The following SAXO1 variants were observed in gnomAD, a reference collection of about 807,000 sequenced individuals.
SAXO1 encodes the protein stabilizer of axonemal microtubules 1, also known as 4930500O09Rik.
In SAXO1, 21 loss-of-function variants were observed where a neutral mutation model predicts 17.5. That is an observed-to-expected ratio of 1.20 (90% CI 0.85 to 1.72). SAXO1 has a LOEUF of 1.72. Among genes scored for constraint, SAXO1 ranks in the 40% most tolerant of loss-of-function variants. SAXO1 has a pLI of 0.00. For missense variants in SAXO1, 843 were observed against 596.0 expected (o/e 1.41, Z -4.32); for synonymous variants, 274 against 216.5 (o/e 1.27, Z -2.33).
At chr9:18,975,145 T>C (rs905852339) in intron 1 of SAXO1, among the ~76,000 whole-genome samples, 2 of 152,044 alleles carry the variant, frequency 1.3e-5, no homozygotes, top group Non-Finnish European at 2.9e-5. Flanking sequence ...CCAGGGGAAG[T>C]TGGGCAGATG....
intron 1 of SAXO1, among the ~76,000 whole-genome samples, chr9:19,025,910 T>C (rs947785320): frequency 3.3e-5 from 5 of 152,118 alleles, no homozygotes; most frequent in African/African-American, 7.2e-5. Flanking sequence ...TACTATTTTC[T>C]CAGTTGGACC....
intron 1 of SAXO1, among the ~76,000 whole-genome samples, chr9:18,995,304 A>G (rs150940540): frequency 3.2e-4 from 48 of 152,318 alleles, no homozygotes; most frequent in African/African-American, 1.1e-3. Context: ...CTCAGGCTGA[A>G]GCTGGCATCA....
intron 1 of SAXO1, among the ~76,000 whole-genome samples, chr9:19,008,899 C>T (rs1834603137): frequency 6.6e-6 from 1 of 152,194 alleles, no homozygotes. Context: ...CTTAGCAACT[C>T]AGCGAGGGGA....
intron 1 of SAXO1, among the ~76,000 whole-genome samples, chr9:19,006,564 G>C (rs1834488045): frequency 6.6e-6 from 1 of 152,194 alleles, no homozygotes; most frequent in Non-Finnish European, 1.5e-5. Flanking sequence ...CCTGCAATAG[G>C]CAAATTCACA....
At chr9:19,044,374 T>C (rs1214664784) in intron 1 of SAXO1, among the ~76,000 whole-genome samples, 1 of 152,188 alleles carries the variant, frequency 6.6e-6, no homozygotes, top group African/African-American at 2.4e-5. Context: ...TTTGAGCATT[T>C]TAGATTAAGA....
chr9:19,000,965 T>A (rs1033136473), intron 1 of SAXO1, among the ~76,000 whole-genome samples: 58 of 152,150 alleles, frequency 3.8e-4, no homozygotes, highest in African/African-American at 1.3e-3. Flanking sequence ...ACAAAGACAC[T>A]TAGACTCCCA....
In SAXO1 at chr9:19,033,120, C is replaced by T. The variant is rs910624711; in HGVS notation, c.-212G>A. The T allele has an allele frequency of 2.0e-6, 1 of 497,576 alleles. No individual in the cohort carries two copies. Among genetic ancestry groups the T allele is most frequent in the Non-Finnish European group, 3.5e-6 (1 of 285,518 alleles). 30.8% of individuals were successfully genotyped at this position (497,576 alleles called of 1,614,324 possible). A position where few individuals can be genotyped will look rare whatever the true frequency, so the allele number is the denominator to read the frequency against. ...CCTAGCGCGAGGTAGCAGCAGGGGG[C>T]TTGCACGCGCGCCAGCCCGGGAGAC... On this transcript the variant is annotated 5_prime_UTR_variant, in exon 1 of 4. Transcript: ENST00000380534.
At chr9:19,017,442 C>G (rs1013342521) in intron 1 of SAXO1, among the ~76,000 whole-genome samples, 4 of 152,174 alleles carry the variant, frequency 2.6e-5, no homozygotes, top group Non-Finnish European at 5.9e-5. Context: ...ATTCATTCTA[C>G]AGACAGGGAC....
rs1831992457 is a variant in SAXO1 at position 18,950,622 on chromosome 9, A to G, written c.218+136T>C. 8 of 727,116 alleles carry G rather than the reference A, an allele frequency of 1.1e-5. No individual in the cohort carries two copies. The Admixed American group carries it at 2.2e-4, about 20-fold the overall frequency. 45.0% of individuals were successfully genotyped at this position (727,116 alleles called of 1,614,324 possible). On this transcript the variant is annotated intron_variant, in intron 2 of 3. Coordinates refer to ENST00000380534, the MANE Select transcript of SAXO1 (RefSeq NM_153707.4). The stretch of plus-strand genomic sequence containing the variant: ...ATTCCTTCAGAGATATAGTACATTA[A>G]GGCATTAATATCATATGTTGATACT...
In SAXO1 at chr9:18,928,141, C is replaced by G. The variant is rs779222198; in HGVS notation, c.1336G>C (p.Val446Leu). ...CTCTGCTGAGAGCCTGCCTGGGAAA[C>G]TGGTTTGTATATCCTGTGACCCAAA... ...DALGHRIYKP[V>L]SQAGSQQSSH... The change falls in exon 4 of 4, where the codon GTT (valine) becomes CTT (leucine). Residue 446 changes from valine (V) to leucine (L), a missense_variant. Transcript: ENST00000380534. The G allele has an allele frequency of 1.9e-6, 3 of 1,614,168 alleles. No individual in the cohort carries two copies. Among genetic ancestry groups the G allele is most frequent in the Admixed American group, 3.3e-5 (2 of 60,022 alleles).
chr9:18,972,647 A>C (rs1373340662), intron 1 of SAXO1, among the ~76,000 whole-genome samples: 1 of 152,196 alleles, frequency 6.6e-6, no homozygotes, highest in Non-Finnish European at 1.5e-5. Flanking sequence ...TCAGCCACAG[A>C]AGGGCATTCA....
At chr9:19,020,154 A>C (rs1479904789) in intron 1 of SAXO1, among the ~76,000 whole-genome samples, 1 of 152,174 alleles carries the variant, frequency 6.6e-6, no homozygotes, top group Non-Finnish European at 1.5e-5. Context: ...CAGCCACATC[A>C]TACCCTCAGA....
chr9:18,961,804 G>T (rs374357450), intron 1 of SAXO1, among the ~76,000 whole-genome samples: 4 of 152,142 alleles, frequency 2.6e-5, no homozygotes, highest in East Asian at 3.9e-4. Flanking sequence ...ACATACGTGT[G>T]CATGTGTCTT....
rs1044923813 is a variant in SAXO1 at position 19,027,034 on chromosome 9, A to T, written c.38+5837T>A. 1.2e-5 allele frequency: 10 copies of T among 838,252 alleles called. No individual in the cohort carries two copies. In the African/African-American group the frequency reaches 1.7e-4, roughly 14 times the overall value. The allele number at this position is 838,252 out of a possible 1,614,324, so 51.9% of individuals were successfully genotyped here. A position where few individuals can be genotyped will look rare whatever the true frequency, so the allele number is the denominator to read the frequency against. On this transcript the variant is annotated intron_variant, in intron 1 of 3. Transcript: ENST00000380534. ...AAGAGTTAACTGTTGAGAGTCACCCATGAGCTCCAAGCCATGAAGGACAAG... is the reference window on the plus strand; with the variant it reads ...AAGAGTTAACTGTTGAGAGTCACCCTTGAGCTCCAAGCCATGAAGGACAAG...
At chr9:19,028,432 C>G (rs1158289235) in intron 1 of SAXO1, among the ~76,000 whole-genome samples, 2 of 152,142 alleles carry the variant, frequency 1.3e-5, no homozygotes, top group South Asian at 2.1e-4. Flanking sequence ...ACAGGAAATG[C>G]TGGAGATAAT....
At chr9:18,955,805 C>G (rs2039009) in intron 1 of SAXO1, among the ~76,000 whole-genome samples, 10,876 of 152,186 alleles carry the variant, frequency 0.071, 540 homozygotes, top group African/African-American at 0.15. Flanking sequence ...ACTCCCACCC[C>G]TGCCTCCCCA....
intron 1 of SAXO1, among the ~76,000 whole-genome samples, chr9:18,960,702 G>A (rs1487086177): frequency 6.6e-6 from 1 of 152,148 alleles, no homozygotes; most frequent in East Asian, 1.9e-4. Context: ...AGACACATGA[G>A]TCCAGAGGGT....
chr9:18,973,580 G>A (rs1166064057), intron 1 of SAXO1, among the ~76,000 whole-genome samples: 2 of 152,200 alleles, frequency 1.3e-5, no homozygotes, highest in African/African-American at 4.8e-5. Context: ...TGGCCCTCAT[G>A]TGCCTGGTGC....
At chr9:19,018,359 C>T (rs755595433) in intron 1 of SAXO1, among the ~76,000 whole-genome samples, 1 of 152,120 alleles carries the variant, frequency 6.6e-6, no homozygotes, top group Admixed American at 6.5e-5. Flanking sequence ...ATGTAAGTGT[C>T]AGAATTTCAG....
Sources: allele counts gnomAD v4.1 joint callset (sites outside exome capture counted in the v4.1 genomes callset), GRCh38; gene constraint gnomAD v4.1.1; transcripts MANE v1.5; gene names NCBI Gene and HGNC (gene_info 2026-07-23, HGNC 2026-07-21).